The following TRIP11 variants were observed in gnomAD, a reference collection of about 807,000 sequenced individuals.
TRIP11 encodes the protein thyroid hormone receptor interactor 11.
Under a neutral mutation model 223.1 loss-of-function variants are expected in TRIP11, and 148 were observed. The observed-to-expected ratio is 0.66, with a 90% CI of 0.58 to 0.76. The LOEUF is 0.76. TRIP11 is among the 30% of genes least tolerant of loss of function. TRIP11 has a pLI of 0.00. For synonymous variants in TRIP11, 762 were observed against 772.6 expected, an observed-to-expected ratio of 0.99 and a Z score of 0.23; for missense variants, 2,043 against 2,222.0, an observed-to-expected ratio of 0.92 and a Z score of 1.62.
intron 1 of TRIP11, among the ~76,000 whole-genome samples, chr14:92,034,025 C>A (rs2057296925): frequency 6.6e-6 from 1 of 152,184 alleles, no homozygotes; most frequent in African/African-American, 2.4e-5. Flanking sequence ...ACCCCCACCT[C>A]CCTTTGTGCC....
rs1053583111 is a variant in TRIP11 at position 92,027,824 on chromosome 14, A to G, written c.202-2404T>C. 7.9e-5 allele frequency among the ~76,000 whole-genome samples: 12 copies of G among 152,220 alleles called. 1 individual carries two copies. The highest frequency in any genetic ancestry group is 2.9e-4 in the African/African-American group (12 of 41,466). On this transcript the variant is annotated intron_variant, in intron 2 of 20. Coordinates refer to ENST00000267622, the MANE Select transcript of TRIP11 (RefSeq NM_004239.4). ...TTCTAGGAACTTCTGATGTCAACAG[A>G]TGTGAAAATAATGATCCAGGAAGAT... is the stretch of plus-strand genomic sequence containing the variant.
Position 92,006,089 on chromosome 14 carries a change from C to T in TRIP11, c.1887G>A (p.Gln629=). The T allele has an allele frequency of 6.3e-7, 1 of 1,594,298 alleles. No individual in the cohort carries two copies. Among genetic ancestry groups the T allele is most frequent in the Non-Finnish European group, 8.5e-7 (1 of 1,173,272 alleles). Residue 629 remains glutamine (Q), a synonymous_variant, in exon 11 of 21, where the codon CAG becomes CAA. Coordinates refer to ENST00000267622, the MANE Select transcript of TRIP11 (RefSeq NM_004239.4). ...ELSRIRNELM[Q]SLNQDSNSNF... is the part of the protein sequence containing the mutation. ...TACTATTAGAGTCTTGATTTAGAGACTGCATTAACTCATTCCTTATTCTAG... is the reference window on the plus strand; with the variant it reads ...TACTATTAGAGTCTTGATTTAGAGATTGCATTAACTCATTCCTTATTCTAG...
chr14:91,975,483 T>G (rs2056452846), intron 17 of TRIP11, among the ~76,000 whole-genome samples, 197 bp from the exon 18 acceptor site: 1 of 152,128 alleles, frequency 6.6e-6, no homozygotes, highest in Non-Finnish European at 1.5e-5. Context: ...AAAGAATATT[T>G]CAAACATCCC....
intron 1 of TRIP11, among the ~76,000 whole-genome samples, chr14:92,035,577 A>ATT (rs373503456): frequency 9.7e-6 from 1 of 103,586 alleles, no homozygotes; most frequent in Admixed American, 8.3e-5. Context: ...TTATTTATTT[A>ATT]TTTATTTATT....
At chr14:91,974,817 A>ATAAATTAT in intron 18 of TRIP11, 74 bp from the exon 19 acceptor site, 1 of 1,178,760 alleles carries the variant, frequency 8.5e-7, no homozygotes, top group South Asian at 1.4e-5. Flanking sequence ...ACTTTTATAT[A>ATAAATTAT]ATTTCTGATA....
At chr14:91,995,545 G>C (rs367967775) in intron 13 of TRIP11, 30 bp from the exon 14 acceptor site, 2 of 1,612,128 alleles carry the variant, frequency 1.2e-6, no homozygotes, top group African/African-American at 1.3e-5. Flanking sequence ...AAGTCAAACT[G>C]CTTCATCTAT....
At chr14:91,998,221 G>T (rs542062836) in intron 13 of TRIP11, among the ~76,000 whole-genome samples, 2 of 152,188 alleles carry the variant, frequency 1.3e-5, no homozygotes, top group East Asian at 3.9e-4. Context: ...AATACAAATG[G>T]ACACAATTTT....
intron 9 of TRIP11, among the ~76,000 whole-genome samples, chr14:92,009,622 G>A (rs2056947106): frequency 6.6e-6 from 1 of 152,154 alleles, no homozygotes; most frequent in Admixed American, 6.5e-5. Flanking sequence ...GATACTGCTG[G>A]CACATAGTGG....
chr14:91,988,392 GA>G lies in TRIP11; in HGVS notation c.5161-10del. On this transcript the variant is annotated splice_polypyrimidine_tract_variant and intron_variant, in intron 15 of 20. Transcript: ENST00000267622. Reference sequence around the variant, plus strand: ...GCTTCATCCAAACATTCCTGAGAAAGAAAACTTTATTAAAAAAAAGTATGCA... The same window carrying G: ...GCTTCATCCAAACATTCCTGAGAAAGAAACTTTATTAAAAAAAAGTATGCA... 2 of 1,611,748 alleles carry G rather than the reference GA, an allele frequency of 1.2e-6. No individual in the cohort carries two copies. The highest frequency in any genetic ancestry group is 1.7e-6 in the Non-Finnish European group (2 of 1,178,346).
chr14:91,995,342 T>C lies in TRIP11; in HGVS notation c.5056+10A>G. 6.2e-7 allele frequency: 1 copy of C among 1,613,098 alleles called. No homozygotes were observed. The highest frequency in any genetic ancestry group is 8.5e-7 in the Non-Finnish European group (1 of 1,179,896). On this transcript the variant is annotated intron_variant, in intron 14 of 20. Transcript: ENST00000267622. ...TTTTTCTTCATTGAAAGAGTGACCG[T>C]AGAGCTTACCTTGTTGGAAATGCTC...
At chr14:91,999,512 T>C in intron 12 of TRIP11, 79 bp from the exon 13 acceptor site, 9 of 1,448,752 alleles carry the variant, frequency 6.2e-6, no homozygotes, top group African/African-American at 1.4e-5. Context: ...CAAATCTTTT[T>C]CCCATTATTG....
At position 92,039,913 on chromosome 14, in the gene TRIP11, G is replaced by A. The variant is rs1158923833; in HGVS notation, c.-228C>T. The A allele has an allele frequency of 2.6e-6, 2 of 769,150 alleles. No individual in the cohort carries two copies. Among genetic ancestry groups the A allele is most frequent in the Non-Finnish European group, 4.1e-6 (2 of 491,242 alleles). 47.6% of individuals were successfully genotyped at this position (769,150 alleles called of 1,614,324 possible). On this transcript the variant is annotated 5_prime_UTR_variant, in exon 1 of 21. Coordinates refer to ENST00000267622, the MANE Select transcript of TRIP11 (RefSeq NM_004239.4). ...CTCTAGTGACACAGTCACCTACGGAGGGCCTTCTGCTCATTCCCACGAATT... is the reference window on the plus strand; with the variant it reads ...CTCTAGTGACACAGTCACCTACGGAAGGCCTTCTGCTCATTCCCACGAATT...
intron 19 of TRIP11, among the ~76,000 whole-genome samples, chr14:91,973,398 A>G (rs1444136670): frequency 6.6e-6 from 1 of 152,140 alleles, no homozygotes; most frequent in African/African-American, 2.4e-5. Context: ...TGATGGTAAC[A>G]CTCACTTCTA....
In TRIP11 at chr14:91,976,104, A is replaced by T; in HGVS notation, c.5342+4T>A. On this transcript the variant is annotated splice_donor_region_variant and intron_variant, in intron 17 of 20. Transcript: ENST00000267622. ...TATACAAACATTAAAAGCAAAAAGC[A>T]TACTTGTCTACTTTTCCTTCTGAGC... 6.2e-7 allele frequency: 1 copy of T among 1,611,400 alleles called. No homozygotes were observed. Among genetic ancestry groups the T allele is most frequent in the Non-Finnish European group, 8.5e-7 (1 of 1,179,356 alleles).
chr14:92,030,800 A>T (rs1011249494), intron 2 of TRIP11: 1 of 152,274 alleles, frequency 6.6e-6, no homozygotes, highest in African/African-American at 2.4e-5. Flanking sequence ...GATGACACAG[A>T]AATGAAAAAA....
At chr14:92,025,788 G>A (rs2057177416) in intron 2 of TRIP11, among the ~76,000 whole-genome samples, 2 of 152,040 alleles carry the variant, frequency 1.3e-5, no homozygotes, top group African/African-American at 2.4e-5. Context: ...GCTGAGGCAG[G>A]GGAATTGCTT....
intron 11 of TRIP11, among the ~76,000 whole-genome samples, chr14:92,001,143 G>A (rs759842720): frequency 1.4e-4 from 22 of 152,064 alleles, no homozygotes; most frequent in Non-Finnish European, 3.2e-4. Flanking sequence ...TTACATGTGT[G>A]AGCCACCATG....
chr14:92,025,490 T>C (rs2140140939), intron 2 of TRIP11, 70 bp from the exon 3 acceptor site: 1 of 1,113,830 alleles, frequency 9.0e-7, no homozygotes, highest in East Asian at 2.4e-5. Context: ...TGCACAGCAT[T>C]ATGAAAAACG....
rs560641516 is a variant in TRIP11, at chr14:92,007,982, C to T, written c.1315-130G>A. 4.5e-5 allele frequency: 31 copies of T among 692,190 alleles called. No homozygotes were observed. In the South Asian group the frequency reaches 4.9e-4, roughly 11 times the overall value. The allele number at this position is 692,190 out of a possible 1,614,324, so 42.9% of individuals were successfully genotyped here. A position where few individuals can be genotyped will look rare whatever the true frequency, so the allele number is the denominator to read the frequency against. On this transcript the variant is annotated intron_variant, in intron 9 of 20. Transcript: ENST00000267622. ...ATATTGGAAATAATATTGAACAATACCTCAATAATTGTATGTGAAATTCAA... is the reference window on the plus strand; with the variant it reads ...ATATTGGAAATAATATTGAACAATATCTCAATAATTGTATGTGAAATTCAA...
Sources: allele counts gnomAD v4.1 joint callset (sites outside exome capture counted in the v4.1 genomes callset), GRCh38; gene constraint gnomAD v4.1.1; transcripts MANE v1.5; gene names NCBI Gene and HGNC (gene_info 2026-07-23, HGNC 2026-07-21).